Variants in SYNPR observed in about 807,000 individuals in gnomAD.
The protein encoded by SYNPR is synaptoporin.
A neutral mutation model predicts 32.9 loss-of-function variants in SYNPR; 23 were observed. That is an observed-to-expected ratio of 0.70 (90% CI 0.50 to 0.99). The LOEUF is 0.99. Among genes scored for constraint, SYNPR ranks in the 50% least tolerant of loss-of-function variants. The pLI, the probability that SYNPR is intolerant of heterozygous loss-of-function variation, is 0.00. For synonymous variants in SYNPR, 146 were observed against 135.9 expected, an observed-to-expected ratio of 1.07 and a Z score of -0.52; for missense variants, 318 against 349.3, an observed-to-expected ratio of 0.91 and a Z score of 0.71.
chr3:63,560,419 A>AT (rs1702666446), intron 4 of SYNPR, among the ~76,000 whole-genome samples: 1 of 152,198 alleles, frequency 6.6e-6, no homozygotes, highest in Non-Finnish European at 1.5e-5. Flanking sequence ...GTTTAAGCGA[A>AT]TTCACAGTAG....
At chr3:63,401,967 C>T (rs1004370465) in intron 2 of SYNPR, among the ~76,000 whole-genome samples, 2 of 152,140 alleles carry the variant, frequency 1.3e-5, no homozygotes, top group Non-Finnish European at 2.9e-5. Flanking sequence ...ACCTAGAGAA[C>T]AAAGTCTTCT....
chr3:63,332,985 G>A (rs551922579), intron 2 of SYNPR, among the ~76,000 whole-genome samples: 5 of 151,950 alleles, frequency 3.3e-5, no homozygotes, highest in Admixed American at 3.3e-4. Context: ...GCCACCAGTT[G>A]GACAACCAAA....
At chr3:63,567,267 C>T (rs1010416381) in intron 4 of SYNPR, among the ~76,000 whole-genome samples, 7 of 152,004 alleles carry the variant, frequency 4.6e-5, no homozygotes, top group African/African-American at 1.7e-4. Context: ...AACCAGCCTC[C>T]AGAGAACAGA....
chr3:63,334,814 C>T (rs1663456411), intron 2 of SYNPR, among the ~76,000 whole-genome samples: 2 of 145,646 alleles, frequency 1.4e-5, no homozygotes, highest in African/African-American at 4.9e-5. Flanking sequence ...AGGTAATTGC[C>T]GTTTTTGCCA....
chr3:63,346,656 A>G (rs1400852461), intron 2 of SYNPR, among the ~76,000 whole-genome samples: 1 of 151,922 alleles, frequency 6.6e-6, no homozygotes, highest in East Asian at 1.9e-4. Context: ...TATTTTTAGT[A>G]GAGATGGGGT....
intron 3 of SYNPR, among the ~76,000 whole-genome samples, chr3:63,541,598 C>T (rs562608805): frequency 4.9e-4 from 74 of 152,116 alleles, no homozygotes; most frequent in South Asian, 8.3e-4. Flanking sequence ...CAATCTATTG[C>T]GTACTAAATC....
chr3:63,579,127 T>G (rs1420604207), intron 4 of SYNPR, among the ~76,000 whole-genome samples: 1 of 152,160 alleles, frequency 6.6e-6, no homozygotes, highest in African/African-American at 2.4e-5. Context: ...CCAATTTCCA[T>G]GGGGCAATAT....
At chr3:63,298,388 CTAAGT>C (rs1204137166) in intron 2 of SYNPR, among the ~76,000 whole-genome samples, 1 of 152,034 alleles carries the variant, frequency 6.6e-6, no homozygotes, top group African/African-American at 2.4e-5. Context: ...AGAGCAAAAC[CTAAGT>C]TAAAAGCACC....
At chr3:63,550,294 G>T (rs1468726429) in intron 3 of SYNPR, among the ~76,000 whole-genome samples, 1 of 150,658 alleles carries the variant, frequency 6.6e-6, no homozygotes, top group African/African-American at 2.4e-5. Context: ...AACTTATAAA[G>T]TTCTTATATA....
chr3:63,591,875 T>C (rs1312007390), intron 4 of SYNPR, among the ~76,000 whole-genome samples: 1 of 146,340 alleles, frequency 6.8e-6, no homozygotes, highest in Non-Finnish European at 1.5e-5. Flanking sequence ...CGTTAGTGGG[T>C]GCAGCGCACC....
intron 2 of SYNPR, among the ~76,000 whole-genome samples, chr3:63,357,098 A>C (rs866729732): frequency 1.1e-4 from 16 of 152,322 alleles, no homozygotes; most frequent in Middle Eastern, 3.4e-3. Context: ...AATGCTAAAC[A>C]TTAGTGCCCT....
rs1349437911 is a variant in SYNPR, at chr3:63,278,758, T to A, written c.84+16T>A. On this transcript the variant is annotated intron_variant, in intron 2 of 5. Transcript: ENST00000478300. The stretch of plus-strand genomic sequence containing the variant: ...CCTGGAATTGGTGAGTAGCAGTGTG[T>A]GTGCAGGGAGGGGCGCCAGGCAGCC... 1.3e-6 allele frequency: 2 copies of A among 1,551,256 alleles called. No homozygotes were observed. Among genetic ancestry groups the A allele is most frequent in the Non-Finnish European group, 1.7e-6 (2 of 1,146,968 alleles).
chr3:63,363,740 G>A (rs755986059), intron 2 of SYNPR, among the ~76,000 whole-genome samples: 4 of 151,996 alleles, frequency 2.6e-5, no homozygotes, highest in South Asian at 2.1e-4. Context: ...AATATTACTC[G>A]AATCTCACTA....
intron 2 of SYNPR, among the ~76,000 whole-genome samples, chr3:63,393,368 G>C (rs2088164956): frequency 6.6e-6 from 1 of 152,004 alleles, no homozygotes; most frequent in South Asian, 2.1e-4. Flanking sequence ...CTCCAAAGTA[G>C]CTGCTTATTT....
chr3:63,542,360 C>T (rs1575701773), intron 3 of SYNPR, among the ~76,000 whole-genome samples: 2 of 152,026 alleles, frequency 1.3e-5, no homozygotes, highest in African/African-American at 4.8e-5. Context: ...ACATCAGATG[C>T]CCCCTTCGTT....
intron 2 of SYNPR, among the ~76,000 whole-genome samples, chr3:63,314,948 A>G (rs1560189481): frequency 1.3e-5 from 2 of 151,946 alleles, no homozygotes; most frequent in East Asian, 3.9e-4. Flanking sequence ...ATTCTCCTGC[A>G]TGTGCCTAGC....
intron 1 of SYNPR, among the ~76,000 whole-genome samples, chr3:63,231,308 C>A (rs192658496): frequency 2.0e-4 from 31 of 152,132 alleles, no homozygotes; most frequent in Admixed American, 1.1e-3. Flanking sequence ...ATGATATAAT[C>A]GACTCTGGGG....
At chr3:63,569,885 G>A (rs2106845134) in intron 4 of SYNPR, among the ~76,000 whole-genome samples, 1 of 152,250 alleles carries the variant, frequency 6.6e-6, no homozygotes, top group African/African-American at 2.4e-5. Context: ...TTCTGTATGT[G>A]GCAACCCAGC....
intron 2 of SYNPR, among the ~76,000 whole-genome samples, chr3:63,475,955 T>A (rs1369039124): frequency 6.6e-6 from 1 of 151,960 alleles, no homozygotes; most frequent in Non-Finnish European, 1.5e-5. Context: ...AAGCAAGGAA[T>A]ACCATGTCTC....
Sources: allele counts gnomAD v4.1 joint callset (sites outside exome capture counted in the v4.1 genomes callset), GRCh38; gene constraint gnomAD v4.1.1; transcripts MANE v1.5; gene names NCBI Gene and HGNC (gene_info 2026-07-23, HGNC 2026-07-21).